The following FAM237A variants were observed in gnomAD, a reference collection of about 807,000 sequenced individuals.
FAM237A encodes the protein protein FAM237A.
FAM237A carries 14 observed loss-of-function variants against 12.5 expected under a neutral mutation model. That is an observed-to-expected ratio of 1.12 (90% CI 0.74 to 1.75). FAM237A has a LOEUF of 1.75. Among genes scored for constraint, FAM237A ranks in the 40% most tolerant of loss-of-function variants. FAM237A has a pLI of 0.00. For synonymous variants in FAM237A, 85 were observed against 77.5 expected (o/e 1.10, Z -0.51); for missense variants, 240 against 211.7 (o/e 1.13, Z -0.83).
intron 1 of FAM237A, chr2:206,643,564 A>G (rs180674123): frequency 6.6e-6 from 1 of 152,344 alleles, no homozygotes; most frequent in East Asian, 1.9e-4. Context: ...GAGAGATTAT[A>G]AAACATTATC....
intron 2 of FAM237A, among the ~76,000 whole-genome samples, chr2:206,647,850 G>A (rs1257913019): frequency 6.6e-6 from 1 of 152,126 alleles, no homozygotes; most frequent in African/African-American, 2.4e-5. Flanking sequence ...CACTGGGAGG[G>A]ACAAAAAGCC....
chr2:206,644,198 C>A lies in FAM237A; in HGVS notation c.-10-29C>A, dbSNP rs745932235. The A allele has an allele frequency of 4.6e-6, 7 of 1,533,956 alleles. No homozygotes were observed. In the Admixed American group the frequency reaches 1.4e-4, roughly 32 times the overall value. ...TTACTGAGCAGAGCACAAGCGGGGA[C>A]TGATAAGAAATATTTCCATCCTGTG... On this transcript the variant is annotated intron_variant, in intron 1 of 2. Coordinates refer to ENST00000441223, the MANE Select transcript of FAM237A (RefSeq NM_001102659.3).
In FAM237A at chr2:206,648,781, T is replaced by TA; in HGVS notation, c.536dup (p.Arg180GlufsTer5). 6.5e-7 allele frequency: 1 copy of TA among 1,534,414 alleles called. No homozygotes were observed. The highest frequency in any genetic ancestry group is 8.8e-7 in the Non-Finnish European group (1 of 1,139,378). On this transcript the variant is annotated frameshift_variant, in exon 3 of 3. Transcript: ENST00000441223. LOFTEE classifies it high-confidence loss of function. The stretch of plus-strand genomic sequence containing the variant: ...GTCATTGGAAAAGTGAACCTGGAAA[T>TA]AAAGAGAAAATAAATTGAACTCGGA...
rs779238490 is a variant in FAM237A, at chr2:206,644,324, CCTTT to C, written c.92_95del (p.Phe31SerfsTer45). On this transcript the variant is annotated frameshift_variant, in exon 2 of 3. Coordinates refer to ENST00000441223, the MANE Select transcript of FAM237A (RefSeq NM_001102659.3). LOFTEE classifies it high-confidence loss of function. ...CATTGTGGGAATGTGCTGTGTATCT[CCTTT>C]CTTCTGCCATAGCCAGACAGACTTG... 1 of 1,613,492 alleles carries C rather than the reference CCTTT, an allele frequency of 6.2e-7. No homozygotes were observed. The highest frequency in any genetic ancestry group is 8.5e-7 in the Non-Finnish European group (1 of 1,179,668).
chr2:206,645,414 C>T (rs1002148893), intron 2 of FAM237A, among the ~76,000 whole-genome samples: 4 of 152,094 alleles, frequency 2.6e-5, no homozygotes, highest in Admixed American at 2.6e-4. Flanking sequence ...ATGCCTGAAC[C>T]CTATACATAT....
In FAM237A at chr2:206,642,828, T is replaced by G. The variant is rs1332157457; in HGVS notation, c.-11+246T>G. Among the ~76,000 whole-genome samples, 1 of 152,220 alleles carries G rather than the reference T, an allele frequency of 6.6e-6. No homozygotes were observed. The stretch of plus-strand genomic sequence containing the variant: ...GCGCCAGCAGACAGGGAGTCCCGGA[T>G]AACGCCAACTTCAGTACCTTGGACA... On this transcript the variant is annotated intron_variant, in intron 1 of 2. Coordinates refer to ENST00000441223, the MANE Select transcript of FAM237A (RefSeq NM_001102659.3). The surrounding 1 kb of genome is among the most constrained non-coding windows in gnomAD (Gnocchi z 5.1).
intron 1 of FAM237A, among the ~76,000 whole-genome samples, chr2:206,643,186 C>T (rs1699275321): frequency 6.6e-6 from 1 of 152,128 alleles, no homozygotes; most frequent in Non-Finnish European, 1.5e-5. Flanking sequence ...TTCCCACAAG[C>T]TGTATTTTGC....
chr2:206,648,534 T>C, intron 2 of FAM237A, 127 bp from the exon 3 acceptor site: 1 of 926,844 alleles, frequency 1.1e-6, no homozygotes, highest in Non-Finnish European at 1.6e-6. Context: ...CTGAAATCAA[T>C]TTATAGAGAA....
chr2:206,648,962 A>G lies in FAM237A; in HGVS notation c.*168A>G. 2 of 398,500 alleles carry G rather than the reference A, an allele frequency of 5.0e-6. No individual in the cohort carries two copies. The highest frequency in any genetic ancestry group is 5.4e-5 in the East Asian group (1 of 18,424). 24.7% of individuals were successfully genotyped at this position (398,500 alleles called of 1,614,324 possible). ...TAAAGCTGCCTTCTATTATTTATTT[A>G]TTTATTTTAGGCTGCTAGCATGTTT... is the stretch of plus-strand genomic sequence containing the variant. On this transcript the variant is annotated 3_prime_UTR_variant, in exon 3 of 3. Coordinates refer to ENST00000441223, the MANE Select transcript of FAM237A (RefSeq NM_001102659.3).
chr2:206,644,130 T>C, intron 1 of FAM237A, 97 bp from the exon 2 acceptor site: 1 of 1,135,198 alleles, frequency 8.8e-7, no homozygotes, highest in Non-Finnish European at 1.2e-6. Context: ...ATGATGTGTT[T>C]CCTTTGCTGG....
chr2:206,648,864 A>G lies in FAM237A; in HGVS notation c.*70A>G, dbSNP rs1699351531. ...TATATAACATTTTTCTTAACTATTG[A>G]TTATTTATTTATTTTAAATGGTGGG... On this transcript the variant is annotated 3_prime_UTR_variant, in exon 3 of 3. Transcript: ENST00000441223. 8.4e-7 allele frequency: 1 copy of G among 1,191,290 alleles called. No homozygotes were observed. 73.8% of individuals were successfully genotyped at this position (1,191,290 alleles called of 1,614,324 possible).
rs1474013542 is a variant in FAM237A at position 206,648,808 on chromosome 2, C to T, written c.*14C>T. 4.6e-6 allele frequency: 7 copies of T among 1,514,004 alleles called. No homozygotes were observed. Among genetic ancestry groups the T allele is most frequent in the Non-Finnish European group, 6.2e-6 (7 of 1,130,568 alleles). The allele number at this position is 1,514,004 out of a possible 1,614,324, so 93.8% of individuals were successfully genotyped here. ...AAGAGAAAATAAATTGAACTCGGAGCTAATTCATGCCTTGGAATTAAATAT... is the reference window on the plus strand; with the variant it reads ...AAGAGAAAATAAATTGAACTCGGAGTTAATTCATGCCTTGGAATTAAATAT... On this transcript the variant is annotated 3_prime_UTR_variant, in exon 3 of 3. Transcript: ENST00000441223.
Position 206,649,174 on chromosome 2 carries a change from G to A in FAM237A, c.*380G>A, listed in dbSNP as rs1344972606. 6.6e-6 allele frequency among the ~76,000 whole-genome samples: 1 copy of A among 152,062 alleles called. No individual in the cohort carries two copies. Among genetic ancestry groups the A allele is most frequent in the East Asian group, 1.9e-4 (1 of 5,202 alleles). On this transcript the variant is annotated 3_prime_UTR_variant, in exon 3 of 3. Transcript: ENST00000441223. ...CATGGCTTCCAAGACTTCAACCACT[G>A]GATTGCTTATGCACAGGCACATAAG...
chr2:206,647,961 T>A (rs1699338439), intron 2 of FAM237A, among the ~76,000 whole-genome samples: 1 of 152,174 alleles, frequency 6.6e-6, no homozygotes, highest in South Asian at 2.1e-4. Flanking sequence ...AATCTGATGG[T>A]GTTTGCAGCT....
In FAM237A at chr2:206,648,958, A is replaced by C; in HGVS notation, c.*164A>C. ...AATTTAAAGCTGCCTTCTATTATTT[A>C]TTTATTTATTTTAGGCTGCTAGCAT... is the stretch of plus-strand genomic sequence containing the variant. On this transcript the variant is annotated 3_prime_UTR_variant, in exon 3 of 3. Transcript: ENST00000441223. 1 of 405,716 alleles carries C rather than the reference A, an allele frequency of 2.5e-6. No individual in the cohort carries two copies. Among genetic ancestry groups the C allele is most frequent in the Non-Finnish European group, 4.0e-6 (1 of 247,480 alleles). 25.1% of individuals were successfully genotyped at this position (405,716 alleles called of 1,614,324 possible).
rs775710717 is a variant in FAM237A at position 206,648,692 on chromosome 2, C to G, written c.444C>G (p.Phe148Leu). ...ATTCTCAGCTCCTAAGGACCTCCTT[C>G]CTAAAGAAGAAAGAGTTGATTGAAG... ...GTYSQLLRTS[F>L]LKKKELIEDL... The change falls in exon 3 of 3, where the codon TTC (phenylalanine) becomes TTG (leucine). Residue 148 changes from phenylalanine to leucine, a missense_variant. Transcript: ENST00000441223. The G allele has an allele frequency of 6.3e-7, 1 of 1,592,936 alleles. No individual in the cohort carries two copies. Among genetic ancestry groups the G allele is most frequent in the Middle Eastern group, 1.7e-4 (1 of 6,030 alleles).
At chr2:206,644,725 A>G (rs1236859451) in intron 2 of FAM237A, 77 bp downstream of exon 2, 5 of 1,372,004 alleles carry the variant, frequency 3.6e-6, no homozygotes, top group Admixed American at 5.7e-5. Flanking sequence ...GAAGAGGGAA[A>G]TGGCATTAGG....
rs1352974976 is a variant in FAM237A, at chr2:206,644,325, C to T, written c.89C>T (p.Pro30Leu). The T allele has an allele frequency of 6.2e-7, 1 of 1,613,322 alleles. No homozygotes were observed. The highest frequency in any genetic ancestry group is 1.3e-5 in the African/African-American group (1 of 74,918). The part of the protein sequence containing the change: ...LLIVGMCCVS[P>L]FFCHSQTDLL... ...ATTGTGGGAATGTGCTGTGTATCTC[C>T]TTTCTTCTGCCATAGCCAGACAGAC... is the stretch of plus-strand genomic sequence containing the variant. Residue 30 changes from proline to leucine, a missense_variant, in exon 2 of 3, where the codon CCT becomes CTT. Coordinates refer to ENST00000441223, the MANE Select transcript of FAM237A (RefSeq NM_001102659.3).
chr2:206,644,460 T>C lies in FAM237A; in HGVS notation c.224T>C (p.Phe75Ser). The C allele has an allele frequency of 6.2e-7, 1 of 1,613,964 alleles. No individual in the cohort carries two copies. The highest frequency in any genetic ancestry group is 8.5e-7 in the Non-Finnish European group (1 of 1,179,864). ...VSNTVSGFWD[F>S]MIYLKSSENL... ...AACACTGTTTCAGGCTTCTGGGATT[T>C]TATGATCTACCTGAAGTCATCTGAG... Residue 75 changes from phenylalanine (F) to serine (S), a missense_variant, in exon 2 of 3, where the codon TTT becomes TCT. Phe to Ser is a radical substitution (Grantham distance 155, BLOSUM62 -2). Coordinates refer to ENST00000441223, the MANE Select transcript of FAM237A (RefSeq NM_001102659.3).
Sources: gnomAD v4.1 joint callset for allele counts (sites outside exome capture counted in the v4.1 genomes callset) on GRCh38, gnomAD v4.1.1 for gene constraint, Gnocchi (gnomAD v3.1) non-coding constraint, MANE v1.5 for transcripts, NCBI Gene and HGNC (gene_info 2026-07-23, HGNC 2026-07-21) for gene names.